Variants in RNF7 observed in about 807,000 individuals in gnomAD.
RNF7 encodes RING-box protein 2.
A neutral mutation model predicts 17.0 loss-of-function variants in RNF7; 9 were observed. That is an observed-to-expected ratio of 0.53 (90% CI 0.32 to 0.92). The LOEUF (loss-of-function observed/expected upper bound fraction) is 0.92. Ranked by LOEUF, RNF7 falls within the 40% of genes least tolerant of loss-of-function variation. The probability of loss-of-function intolerance (pLI) is 0.04; values close to 1 mark genes in which losing one functional copy is unlikely to be tolerated. For synonymous variants in RNF7, 59 were observed against 50.5 expected (o/e 1.17, Z -0.72); for missense variants, 87 against 145.8 (o/e 0.60, Z 2.08).
At chr3:141,744,408 A>G (rs1263586410) in intron 2 of RNF7, among the ~76,000 whole-genome samples, 1 of 150,526 alleles carries the variant, frequency 6.6e-6, no homozygotes, top group Admixed American at 6.6e-5. Flanking sequence ...TTCTCTTGTC[A>G]TATAGCTCAG....
At position 141,746,338 on chromosome 3, in the gene RNF7, G is replaced by A. The variant is rs577157028; in HGVS notation, c.*1061G>A. 1.3e-5 allele frequency: 2 copies of A among 152,254 alleles called. No individual in the cohort carries two copies. Among genetic ancestry groups the A allele is most frequent in the South Asian group, 4.1e-4 (2 of 4,824 alleles). The allele number at this position is 152,254 out of a possible 1,614,324, so 9.4% of individuals were successfully genotyped here. Reference sequence around the variant, plus strand: ...TTAATGAGGGAAAATGTTTACCAGTGTAGCATTGGATCAAAAAGTTTATCA... The same window carrying A: ...TTAATGAGGGAAAATGTTTACCAGTATAGCATTGGATCAAAAAGTTTATCA... On this transcript the variant is annotated 3_prime_UTR_variant, in exon 3 of 3. Coordinates refer to ENST00000273480, the MANE Select transcript of RNF7 (RefSeq NM_014245.5).
chr3:141,743,288 A>G (rs2084440043), intron 1 of RNF7, among the ~76,000 whole-genome samples: 1 of 152,182 alleles, frequency 6.6e-6, no homozygotes, highest in South Asian at 2.1e-4. Flanking sequence ...GAGCTTATAA[A>G]AATAGAGGAT....
At position 141,738,652 on chromosome 3, in the gene RNF7, G is replaced by A. The variant is rs921658479; in HGVS notation, c.175+136G>A. 5 of 943,520 alleles carry A rather than the reference G, an allele frequency of 5.3e-6. No homozygotes were observed. In the East Asian group the frequency reaches 1.2e-4, roughly 22 times the overall value. 58.4% of individuals were successfully genotyped at this position (943,520 alleles called of 1,614,324 possible). On this transcript the variant is annotated intron_variant, in intron 1 of 2. Transcript: ENST00000273480. ...GAGTGGGTGGAGGTCGCCCTGCCCC[G>A]GCGCCGGAGGAACGCGGAGCCACGC... is the stretch of plus-strand genomic sequence containing the variant.
intron 1 of RNF7, among the ~76,000 whole-genome samples, chr3:141,739,783 A>G (rs1013103817): frequency 6.6e-6 from 1 of 152,348 alleles, no homozygotes; most frequent in Non-Finnish European, 1.5e-5. Flanking sequence ...GATATTAGAC[A>G]TGACCCACTT....
intron 1 of RNF7, among the ~76,000 whole-genome samples, chr3:141,739,156 A>G (rs1980190): frequency 0.38 from 57,297 of 152,062 alleles, 14,315 homozygotes; most frequent in African/African-American, 0.72. Flanking sequence ...GCTTGAAGGG[A>G]ACAGTGTGGT....
intron 2 of RNF7, among the ~76,000 whole-genome samples, chr3:141,744,340 C>T (rs534355814): frequency 7.8e-4 from 118 of 151,690 alleles, no homozygotes; most frequent in Non-Finnish European, 1.1e-3. Context: ...TTCTTTTTTT[C>T]TGCCTTATTT....
Position 141,746,859 on chromosome 3 carries a change from C to T in RNF7, c.*1582C>T, listed in dbSNP as rs2084479775. 1 of 152,000 alleles carries T rather than the reference C, an allele frequency of 6.6e-6. No homozygotes were observed. The highest frequency in any genetic ancestry group is 2.1e-4 in the South Asian group (1 of 4,832). 9.4% of individuals were successfully genotyped at this position (152,000 alleles called of 1,614,324 possible). On this transcript the variant is annotated 3_prime_UTR_variant, in exon 3 of 3. Coordinates refer to ENST00000273480, the MANE Select transcript of RNF7 (RefSeq NM_014245.5). ...CTGGAAATTTTTCTTTATATTTTTT[C>T]ACAGTTGTCTTTCTAGCTACTGAAA...
chr3:141,741,829 A>G (rs2084420469), intron 1 of RNF7, among the ~76,000 whole-genome samples: 1 of 152,176 alleles, frequency 6.6e-6, no homozygotes, highest in Non-Finnish European at 1.5e-5. Flanking sequence ...GCACCCTTTT[A>G]AATAACCCAT....
At chr3:141,743,641 T>A in intron 2 of RNF7, 85 bp downstream of exon 2, 2 of 962,734 alleles carry the variant, frequency 2.1e-6, no homozygotes, top group Admixed American at 2.2e-5. Flanking sequence ...AAGATTGACT[T>A]TATCAATACA....
At chr3:141,744,678 C>T (rs534589076) in intron 2 of RNF7, among the ~76,000 whole-genome samples, 113 of 152,326 alleles carry the variant, frequency 7.4e-4, no homozygotes, top group African/African-American at 2.6e-3. Context: ...GAAAACAGCT[C>T]AGCTCAGATG....
chr3:141,742,965 TTATAAGTTA>T, intron 1 of RNF7: 9 of 937,350 alleles, frequency 9.6e-6, no homozygotes, highest in Non-Finnish European at 1.2e-5. Context: ...ATTTAATTTT[TTATAAGTTA>T]TATATTCATA....
chr3:141,746,821 T>C lies in RNF7; in HGVS notation c.*1544T>C, dbSNP rs759584081. ...TGCTTTTATATGGGTTACTTTTTAT[T>C]GATCACATTTCTCTGGAAATTTTTC... On this transcript the variant is annotated 3_prime_UTR_variant, in exon 3 of 3. Coordinates refer to ENST00000273480, the MANE Select transcript of RNF7 (RefSeq NM_014245.5). The C allele has an allele frequency of 1.3e-5, 2 of 152,254 alleles. No homozygotes were observed. Among genetic ancestry groups the C allele is most frequent in the Non-Finnish European group, 2.9e-5 (2 of 68,040 alleles). The allele number at this position is 152,254 out of a possible 1,614,324, so 9.4% of individuals were successfully genotyped here.
At chr3:141,739,531 A>AG (rs1169450858) in intron 1 of RNF7, among the ~76,000 whole-genome samples, 2 of 152,178 alleles carry the variant, frequency 1.3e-5, no homozygotes, top group Non-Finnish European at 1.5e-5. Context: ...TTCTTTATTG[A>AG]GGGTAGTTAA....
chr3:141,745,143 T>C lies in RNF7; in HGVS notation c.224-16T>C. ...TTGAAATATGTAATGTCAACTCTTC[T>C]TTTTCTTTCTTTCAGTGGTCTGGGG... On this transcript the variant is annotated splice_polypyrimidine_tract_variant and intron_variant, in intron 2 of 2. Coordinates refer to ENST00000273480, the MANE Select transcript of RNF7 (RefSeq NM_014245.5). 1 of 1,551,020 alleles carries C rather than the reference T, an allele frequency of 6.4e-7. No homozygotes were observed. Among genetic ancestry groups the C allele is most frequent in the South Asian group, 1.1e-5 (1 of 88,006 alleles).
Position 141,738,352 on chromosome 3 carries a change from T to C in RNF7, c.11T>C (p.Val4Ala). Residue 4 changes from valine (V) to alanine (A), a missense_variant, in exon 1 of 3, where the codon GTG becomes GCG. Coordinates refer to ENST00000273480, the MANE Select transcript of RNF7 (RefSeq NM_014245.5). The part of the protein sequence containing the change: MAD[V>A]EDGEETCALA... ...CTCCGCGGCGCCGCCATGGCCGACG[T>C]GGAAGACGGAGAGGAAACCTGCGCC... 1.3e-6 allele frequency: 2 copies of C among 1,533,608 alleles called. No individual in the cohort carries two copies. The highest frequency in any genetic ancestry group is 1.8e-6 in the Non-Finnish European group (2 of 1,135,220).
intron 1 of RNF7, chr3:141,742,917 G>C (rs2084435565): frequency 9.6e-7 from 1 of 1,038,320 alleles, no homozygotes. Context: ...AGTAAGTATG[G>C]ATGACTTTAA....
chr3:141,741,236 T>C (rs1190557394), intron 1 of RNF7, among the ~76,000 whole-genome samples: 4 of 152,246 alleles, frequency 2.6e-5, no homozygotes, highest in Admixed American at 1.3e-4. Context: ...TTCACTGTTA[T>C]ATCACAACCC....
chr3:141,742,784 G>A, intron 1 of RNF7: 1 of 1,269,154 alleles, frequency 7.9e-7, no homozygotes, highest in Non-Finnish European at 1.0e-6. Context: ...TTGTCTGGAT[G>A]ACCATCGGTA....
chr3:141,738,535 T>G lies in RNF7; in HGVS notation c.175+19T>G, dbSNP rs1036210774. 8.2e-6 allele frequency: 13 copies of G among 1,589,844 alleles called. No individual in the cohort carries two copies. The highest frequency in any genetic ancestry group is 9.4e-6 in the Non-Finnish European group (11 of 1,165,344). On this transcript the variant is annotated intron_variant, in intron 1 of 2. Coordinates refer to ENST00000273480, the MANE Select transcript of RNF7 (RefSeq NM_014245.5). ...GTGATGGGTAAGCGCTGCACGCGAGTCCAGGGCCGCCCTGCGGCCTCCGGG... is the reference window on the plus strand; with the variant it reads ...GTGATGGGTAAGCGCTGCACGCGAGGCCAGGGCCGCCCTGCGGCCTCCGGG...
Sources: gnomAD v4.1 joint callset for allele counts (sites outside exome capture counted in the v4.1 genomes callset) on GRCh38, gnomAD v4.1.1 for gene constraint, MANE v1.5 for transcripts, NCBI Gene and HGNC (gene_info 2026-07-23, HGNC 2026-07-21) for gene names.